Variants in PSG6 observed in about 807,000 individuals in gnomAD.
PSG6 encodes pregnancy-specific beta-1-glycoprotein 6.
In PSG6, 51 loss-of-function variants were observed where a neutral mutation model predicts 43.3. That is an observed-to-expected ratio of 1.18 (90% CI 0.94 to 1.49). PSG6 has a LOEUF of 1.49. Ranked by LOEUF, PSG6 falls within the 40% of genes most tolerant of loss-of-function variation. The pLI is 0.00. For synonymous variants in PSG6, 292 were observed against 197.6 expected (o/e 1.48, Z -4.01); for missense variants, 770 against 522.2 (o/e 1.47, Z -4.62).
intron 2 of PSG6, among the ~76,000 whole-genome samples, chr19:42,911,148 G>T (rs1972217264): frequency 6.6e-6 from 1 of 151,562 alleles, no homozygotes. Flanking sequence ...GTGCCTCTCT[G>T]AGTCCCTCCG....
At chr19:42,912,645 C>G (rs1239627420) in intron 2 of PSG6, among the ~76,000 whole-genome samples, 12 of 151,862 alleles carry the variant, frequency 7.9e-5, no homozygotes, top group African/African-American at 2.9e-4. Flanking sequence ...TGCAGAGTTA[C>G]AAAACATGGG....
At chr19:42,907,451 G>C in intron 4 of PSG6, 125 bp downstream of exon 4, 4 of 1,535,390 alleles carry the variant, frequency 2.6e-6, no homozygotes, top group South Asian at 1.3e-5. Flanking sequence ...GGGAGTCATG[G>C]CCAGGTCTGA....
intron 2 of PSG6, among the ~76,000 whole-genome samples, chr19:42,914,740 A>T (rs556281237): frequency 6.6e-6 from 1 of 151,480 alleles, no homozygotes; most frequent in Non-Finnish European, 1.5e-5. Flanking sequence ...TCTTCATTCC[A>T]TTCCTTCATT....
At position 42,910,776 on chromosome 19, in the gene PSG6, A is replaced by G; in HGVS notation, c.510T>C (p.Pro170=). The G allele has an allele frequency of 6.2e-7, 1 of 1,612,382 alleles. No individual in the cohort carries two copies. Among genetic ancestry groups the G allele is most frequent in the Non-Finnish European group, 8.5e-7 (1 of 1,179,242 alleles). ...ACAGGTAGCTTGCATCCGGAGTCTC[A>G]GGATCACAGATTAAGCGCACAGCCT... is the stretch of plus-strand genomic sequence containing the variant. The part of the protein sequence containing the change: ...VMEAVRLICD[P]ETPDASYLWL... Residue 170 remains proline, a synonymous_variant, in exon 3 of 6, where the codon CCT becomes CCC. Transcript: ENST00000187910.
intron 1 of PSG6, 78 bp downstream of exon 1, chr19:42,917,651 A>G: frequency 6.3e-7 from 1 of 1,577,166 alleles, no homozygotes; most frequent in Non-Finnish European, 8.7e-7. Flanking sequence ...ATTTTTTAGA[A>G]CCCCATCCTC....
rs1178255181 is a variant in PSG6 at position 42,910,757 on chromosome 19, A to G, written c.529T>C (p.Tyr177His). The G allele has an allele frequency of 3.1e-6, 5 of 1,612,406 alleles. No individual in the cohort carries two copies. The highest frequency in any genetic ancestry group is 2.2e-5 in the East Asian group (1 of 44,800). ...TTCTGACCATTCAGCAACCACAGGT[A>G]GCTTGCATCCGGAGTCTCAGGATCA... ...ICDPETPDAS[Y>H]LWLLNGQNLP... Residue 177 changes from tyrosine to histidine, a missense_variant, in exon 3 of 6, where the codon TAC becomes CAC. Tyr to His is a moderately conservative substitution (Grantham distance 83). Transcript: ENST00000187910.
At chr19:42,911,202 G>T (rs538681386) in intron 2 of PSG6, among the ~76,000 whole-genome samples, 1 of 151,630 alleles carries the variant, frequency 6.6e-6, no homozygotes, top group Non-Finnish European at 1.5e-5. Context: ...CTTACTTGGG[G>T]CATGCAGTGC....
intron 2 of PSG6, among the ~76,000 whole-genome samples, chr19:42,914,171 T>C (rs1381889033): frequency 6.6e-6 from 1 of 151,342 alleles, no homozygotes; most frequent in Non-Finnish European, 1.5e-5. Context: ...GAGCCCTGGA[T>C]GGGAATACAG....
chr19:42,903,287 C>T (rs1397882475), intron 5 of PSG6, among the ~76,000 whole-genome samples: 3 of 151,448 alleles, frequency 2.0e-5, no homozygotes, highest in Non-Finnish European at 4.4e-5. Flanking sequence ...ATCAGGGGTT[C>T]AGAGAAGTTG....
chr19:42,903,561 G>GA, intron 5 of PSG6: 3 of 1,389,780 alleles, frequency 2.2e-6, no homozygotes, highest in South Asian at 1.7e-5. Context: ...GATTGGCTAA[G>GA]AAAAAAAGAG....
At position 42,916,799 on chromosome 19, in the gene PSG6, G is replaced by A. The variant is rs529713510; in HGVS notation, c.65-312C>T. 3.3e-5 allele frequency among the ~76,000 whole-genome samples: 5 copies of A among 151,464 alleles called. 1 individual carries two copies. Among genetic ancestry groups the A allele is most frequent in the Admixed American group, 6.6e-5 (1 of 15,194 alleles). The stretch of plus-strand genomic sequence containing the variant: ...CCCCTCCACACTGCCCTCAGGTCCT[G>A]CTCACATCAGGGCATCCTTAGACTT... On this transcript the variant is annotated intron_variant, in intron 1 of 5. Coordinates refer to ENST00000187910, the MANE Select transcript of PSG6 (RefSeq NM_001031850.4).
rs186623523 is a variant in PSG6 at position 42,903,197 on chromosome 19, C to T, written c.1241-751G>A. Among the ~76,000 whole-genome samples the T allele has an allele frequency of 2.0e-3, 297 of 151,678 alleles. 9 individuals carry two copies. The highest frequency in any genetic ancestry group is 7.0e-3 in the African/African-American group (288 of 41,338). On this transcript the variant is annotated intron_variant, in intron 5 of 5. Coordinates refer to ENST00000187910, the MANE Select transcript of PSG6 (RefSeq NM_001031850.4). ...CTGACATTGGTTCCTCTTTGTGTGG[C>T]ATCTTGTTTCATTGACTGCATTAAA...
chr19:42,916,721 C>G (rs1358951232), intron 1 of PSG6, among the ~76,000 whole-genome samples: 1 of 151,094 alleles, frequency 6.6e-6, no homozygotes. Flanking sequence ...TTCAACACTC[C>G]TGACCTTGGC....
intron 5 of PSG6, chr19:42,906,590 G>A (rs1972116008): frequency 1.5e-6 from 2 of 1,335,852 alleles, no homozygotes; most frequent in Non-Finnish European, 2.0e-6. Context: ...ATGGCAGAAG[G>A]GGATGTGTTC....
At chr19:42,903,644 C>T (rs1044608126) in intron 5 of PSG6, 2 of 1,518,610 alleles carry the variant, frequency 1.3e-6, no homozygotes, top group South Asian at 1.3e-5. Context: ...AATCCTAGCA[C>T]TTTGGGAGGT....
rs1023307290 is a variant in PSG6, at chr19:42,917,648, A to G, written c.64+81T>C. The G allele has an allele frequency of 8.1e-5, 127 of 1,571,960 alleles. No homozygotes were observed. The African/African-American group carries it at 1.3e-3, about 16-fold the overall frequency. ...TAAGTGCTGGCTTCTTTTATTTTTTAGAACCCCATCCTCTCCAGGATACCC... is the reference window on the plus strand; with the variant it reads ...TAAGTGCTGGCTTCTTTTATTTTTTGGAACCCCATCCTCTCCAGGATACCC... On this transcript the variant is annotated intron_variant, in intron 1 of 5. Transcript: ENST00000187910.
chr19:42,903,291 G>T (rs1258054984), intron 5 of PSG6, among the ~76,000 whole-genome samples: 3 of 151,608 alleles, frequency 2.0e-5, no homozygotes, highest in Non-Finnish European at 4.4e-5. Context: ...GGGGTTCAGA[G>T]AAGTTGAGTC....
At chr19:42,913,795 C>T (rs1972271881) in intron 2 of PSG6, among the ~76,000 whole-genome samples, 1 of 151,622 alleles carries the variant, frequency 6.6e-6, no homozygotes, top group Admixed American at 6.6e-5. Context: ...TCATGTGGCC[C>T]CTACCTAGAG....
chr19:42,915,850 G>A, intron 2 of PSG6: 2 of 560,406 alleles, frequency 3.6e-6, no homozygotes, highest in Non-Finnish European at 5.9e-6. Context: ...GAGGGCATGA[G>A]GTGCTTGGCT....
Sources: gnomAD v4.1 joint callset for allele counts (sites outside exome capture counted in the v4.1 genomes callset) on GRCh38, gnomAD v4.1.1 for gene constraint, MANE v1.5 for transcripts, NCBI Gene and HGNC (gene_info 2026-07-23, HGNC 2026-07-21) for gene names.